GRIN2B: variants seen among roughly 807,000 people sequenced by gnomAD.
The protein encoded by GRIN2B is glutamate receptor ionotropic, NMDA 2B.
GRIN2B carries 5 observed loss-of-function variants against 114.5 expected under a neutral mutation model. The ratio of observed to expected loss-of-function variants is 0.04; its 90% CI spans 0.02 to 0.09. GRIN2B has a LOEUF of 0.09. Among genes scored for constraint, GRIN2B ranks in the 10% least tolerant of loss-of-function variants. The pLI, the probability that GRIN2B is intolerant of heterozygous loss-of-function variation, is 1.00. For synonymous variants in GRIN2B, 787 were observed against 745.1 expected, an observed-to-expected ratio of 1.06 and a Z score of -0.92; for missense variants, 1,108 against 1,943.5, an observed-to-expected ratio of 0.57 and a Z score of 8.08.
intron 10 of GRIN2B, among the ~76,000 whole-genome samples, chr12:13,602,622 A>G (rs1949176001): frequency 6.6e-6 from 1 of 152,194 alleles, no homozygotes; most frequent in African/African-American, 2.4e-5. Context: ...TCCAGAACGC[A>G]TATTTATTTA....
intron 4 of GRIN2B, among the ~76,000 whole-genome samples, chr12:13,707,014 G>A (rs961852474): frequency 3.3e-5 from 5 of 152,062 alleles, no homozygotes; most frequent in African/African-American, 7.2e-5. Context: ...GTCACTTCTC[G>A]CTGCTCATGA....
At chr12:13,577,461 C>T (rs1450543421) in intron 10 of GRIN2B, among the ~76,000 whole-genome samples, 3 of 152,120 alleles carry the variant, frequency 2.0e-5, no homozygotes, top group African/African-American at 7.2e-5. Flanking sequence ...GGAGTCAAGG[C>T]CCCCACCCAG....
At chr12:13,760,608 G>T (rs775110768) in intron 3 of GRIN2B, among the ~76,000 whole-genome samples, 1 of 152,112 alleles carries the variant, frequency 6.6e-6, no homozygotes, top group Non-Finnish European at 1.5e-5. Context: ...AGGACAATCT[G>T]TGTCTGAAAA....
intron 3 of GRIN2B, among the ~76,000 whole-genome samples, chr12:13,781,393 C>T (rs1591726965): frequency 1.3e-5 from 2 of 152,142 alleles, no homozygotes; most frequent in South Asian, 4.1e-4. Flanking sequence ...TGTCAAACAG[C>T]TAATATGATC....
At chr12:13,841,293 A>G (rs1865375786) in intron 3 of GRIN2B, among the ~76,000 whole-genome samples, 2 of 152,186 alleles carry the variant, frequency 1.3e-5, no homozygotes, top group African/African-American at 2.4e-5. Flanking sequence ...TAACTCTCAG[A>G]TAAGCCCTCT....
At chr12:13,574,354 T>C (rs999970274) in intron 10 of GRIN2B, among the ~76,000 whole-genome samples, 2 of 152,346 alleles carry the variant, frequency 1.3e-5, no homozygotes, top group South Asian at 4.1e-4. Context: ...AGTAAATAAC[T>C]ATGGTAGATA....
intron 5 of GRIN2B, among the ~76,000 whole-genome samples, chr12:13,657,361 C>A (rs965271117): frequency 6.6e-6 from 1 of 152,086 alleles, no homozygotes; most frequent in Non-Finnish European, 1.5e-5. Context: ...CCCAGGTGCT[C>A]ATCTATTATT....
intron 2 of GRIN2B, among the ~76,000 whole-genome samples, chr12:13,925,995 T>C (rs552114573): frequency 2.0e-5 from 3 of 152,246 alleles, no homozygotes; most frequent in African/African-American, 7.2e-5. Context: ...GAATACGTTT[T>C]AGCAACTGAC....
rs200571186 is a variant in GRIN2B, at chr12:13,563,413, G to C, written c.3825C>G (p.Asn1275Lys). 1 of 1,614,160 alleles carries C rather than the reference G, an allele frequency of 6.2e-7. No homozygotes were observed. The highest frequency in any genetic ancestry group is 8.5e-7 in the Non-Finnish European group (1 of 1,180,012). ...TCTGAGGGTACTTAGTGGTGGAGGC[G>C]TTTGACGTCACCGCCACTGGGGCAG... ...QPAAPVAVTS[N>K]ASTTKYPQSP... Residue 1275 changes from asparagine (N) to lysine (K), a missense_variant, in exon 14 of 14, where the codon AAC becomes AAG. By Grantham distance (94) the Asn-to-Lys change is moderately conservative. Transcript: ENST00000609686.
At chr12:13,672,981 C>T (rs1271989206) in intron 5 of GRIN2B, among the ~76,000 whole-genome samples, 1 of 152,118 alleles carries the variant, frequency 6.6e-6, no homozygotes, top group Non-Finnish European at 1.5e-5. Flanking sequence ...TATTGAACTG[C>T]TCTATGAAAT....
chr12:13,726,528 C>G (rs1012351105), intron 4 of GRIN2B, among the ~76,000 whole-genome samples: 2 of 144,516 alleles, frequency 1.4e-5, no homozygotes. Context: ...GAGCGAGACT[C>G]TGTCAAAAAA....
chr12:13,596,416 T>A (rs1949074591), intron 10 of GRIN2B, among the ~76,000 whole-genome samples: 1 of 152,216 alleles, frequency 6.6e-6, no homozygotes, highest in Non-Finnish European at 1.5e-5. Context: ...AAGCTACTCA[T>A]GGTCTTCTTG....
At chr12:13,610,813 C>G (rs1238880550) in intron 9 of GRIN2B, among the ~76,000 whole-genome samples, 1 of 152,120 alleles carries the variant, frequency 6.6e-6, no homozygotes, top group East Asian at 1.9e-4. Context: ...GGTCTAAGCC[C>G]CAACCTAGAC....
intron 10 of GRIN2B, among the ~76,000 whole-genome samples, chr12:13,587,208 C>T (rs951376008): frequency 3.3e-5 from 5 of 152,126 alleles, no homozygotes; most frequent in Non-Finnish European, 7.4e-5. Flanking sequence ...ATCAGATACT[C>T]ATCTGGTGGC....
chr12:13,715,552 T>C (rs1007043315), intron 4 of GRIN2B, among the ~76,000 whole-genome samples: 1 of 151,884 alleles, frequency 6.6e-6, no homozygotes, highest in African/African-American at 2.4e-5. Flanking sequence ...GATAAATAAA[T>C]GGATAAATAT....
chr12:13,777,895 T>C (rs1412483155), intron 3 of GRIN2B, among the ~76,000 whole-genome samples: 1 of 152,238 alleles, frequency 6.6e-6, no homozygotes, highest in Non-Finnish European at 1.5e-5. Flanking sequence ...TGTGGTCTAC[T>C]TTTTCTCAGT....
At chr12:13,911,758 A>G (rs1383305058) in intron 2 of GRIN2B, among the ~76,000 whole-genome samples, 1 of 152,174 alleles carries the variant, frequency 6.6e-6, no homozygotes, top group Non-Finnish European at 1.5e-5. Flanking sequence ...CAGAAGGTGG[A>G]TGACCGCAGA....
intron 3 of GRIN2B, among the ~76,000 whole-genome samples, chr12:13,767,395 T>C (rs1264783080): frequency 1.3e-5 from 2 of 152,120 alleles, no homozygotes; most frequent in Non-Finnish European, 2.9e-5. Flanking sequence ...ACTGCCTCCA[T>C]GTCTGTTAAA....
rs1483885659 is a variant in GRIN2B at position 13,558,952 on chromosome 12, A to G, written c.*3831T>C. Reference sequence around the variant, plus strand: ...GACCACACTCACCAACCACTTCTGCAATGGAAGGGAATGATAGAGGGTACA... The same window carrying G: ...GACCACACTCACCAACCACTTCTGCGATGGAAGGGAATGATAGAGGGTACA... On this transcript the variant is annotated 3_prime_UTR_variant, in exon 14 of 14. Coordinates refer to ENST00000609686, the MANE Select transcript of GRIN2B (RefSeq NM_000834.5). The G allele has an allele frequency of 6.6e-6, 1 of 152,220 alleles. No homozygotes were observed. Among genetic ancestry groups the G allele is most frequent in the African/African-American group, 2.4e-5 (1 of 41,450 alleles). 9.4% of individuals were successfully genotyped at this position (152,220 alleles called of 1,614,324 possible).
Sources: allele counts gnomAD v4.1 joint callset (sites outside exome capture counted in the v4.1 genomes callset), GRCh38; gene constraint gnomAD v4.1.1; transcripts MANE v1.5; gene names NCBI Gene and HGNC (gene_info 2026-07-23, HGNC 2026-07-21).